The following XPO7 variants were observed in gnomAD, a reference collection of about 807,000 sequenced individuals.
XPO7 encodes exportin-7.
Under a neutral mutation model 144.3 loss-of-function variants are expected in XPO7, and 21 were observed. The ratio of observed to expected loss-of-function variants is 0.15; its 90% CI spans 0.10 to 0.21. The LOEUF (loss-of-function observed/expected upper bound fraction) is 0.21, where lower values mean the gene tolerates loss of function less well. XPO7 is among the 10% of genes least tolerant of loss of function. The probability of loss-of-function intolerance (pLI) is 1.00; values close to 1 mark genes in which losing one functional copy is unlikely to be tolerated. For synonymous variants in XPO7, 580 were observed against 499.6 expected (o/e 1.16, Z -2.15); for missense variants, 808 against 1,325.8 (o/e 0.61, Z 6.06).
At chr8:21,929,088 A>C (rs1245357389) in intron 1 of XPO7, among the ~76,000 whole-genome samples, 6 of 152,240 alleles carry the variant, frequency 3.9e-5, no homozygotes, top group Non-Finnish European at 8.8e-5. Context: ...GAACTGCATC[A>C]AGTTCTTCAG....
rs1012497980 is a variant in XPO7 at position 21,994,382 on chromosome 8, T to G, written c.2168T>G (p.Val723Gly). ...QEAKRTLVGLVRDLRGIAFAF... is the reference protein window; with the variant it reads ...QEAKRTLVGLGRDLRGIAFAF... ...CTACAGCGAACTCTAGTTGGCCTAGTAAGAGACCTGAGAGGGATCGCTTTC... is the reference window on the plus strand; with the variant it reads ...CTACAGCGAACTCTAGTTGGCCTAGGAAGAGACCTGAGAGGGATCGCTTTC... Residue 723 changes from valine to glycine, a missense_variant, in exon 20 of 28, where the codon GTA (valine) becomes GGA (glycine). Val to Gly is a moderately radical substitution (Grantham distance 109). Coordinates refer to ENST00000252512, the MANE Select transcript of XPO7 (RefSeq NM_015024.5). 1 of 1,612,262 alleles carries G rather than the reference T, an allele frequency of 6.2e-7. No homozygotes were observed. The highest frequency in any genetic ancestry group is 1.3e-5 in the African/African-American group (1 of 74,892).
chr8:21,934,586 G>A (rs1443799146), intron 1 of XPO7, among the ~76,000 whole-genome samples: 1 of 152,238 alleles, frequency 6.6e-6, no homozygotes, highest in African/African-American at 2.4e-5. Context: ...TTATTTTGGG[G>A]TGACAGTATT....
chr8:21,941,132 G>A (rs940808957), intron 1 of XPO7, among the ~76,000 whole-genome samples: 1 of 112,280 alleles, frequency 8.9e-6, no homozygotes, highest in African/African-American at 4.1e-5. Flanking sequence ...CCTCCTATAT[G>A]CTTTTTTTTT....
intron 1 of XPO7, among the ~76,000 whole-genome samples, chr8:21,920,087 C>T (rs1001376899): frequency 2.0e-5 from 3 of 151,904 alleles, no homozygotes; most frequent in Non-Finnish European, 4.4e-5. Context: ...TCTTCGTCCC[C>T]GGGGGAGGCC....
chr8:21,989,277 T>C (rs1222361019), intron 16 of XPO7, among the ~76,000 whole-genome samples, 194 bp downstream of exon 16: 2 of 152,232 alleles, frequency 1.3e-5, no homozygotes, highest in Non-Finnish European at 2.9e-5. Flanking sequence ...AAAAATGAGC[T>C]GACACCCAAC....
chr8:21,925,090 T>C (rs906998797), intron 1 of XPO7, among the ~76,000 whole-genome samples: 4 of 152,242 alleles, frequency 2.6e-5, no homozygotes, highest in Non-Finnish European at 5.9e-5. Flanking sequence ...TACCCCGTTA[T>C]CTTTTCCCCC....
At chr8:21,956,968 G>C (rs1019943594) in intron 1 of XPO7, among the ~76,000 whole-genome samples, 46 of 152,150 alleles carry the variant, frequency 3.0e-4, no homozygotes, top group African/African-American at 1.0e-3. Context: ...AGATAATACA[G>C]AGTTGACTGG....
rs1812001349 is a variant in XPO7, at chr8:21,970,042, T to G, written c.260-102T>G. Reference sequence around the variant, plus strand: ...ACAGTTTGGGTTAAATAGTCTAAATTTATAATTTCTTGGCCATTTAGCATG... The same window carrying G: ...ACAGTTTGGGTTAAATAGTCTAAATGTATAATTTCTTGGCCATTTAGCATG... On this transcript the variant is annotated intron_variant, in intron 3 of 27. Coordinates refer to ENST00000252512, the MANE Select transcript of XPO7 (RefSeq NM_015024.5). The G allele has an allele frequency of 1.2e-5, 16 of 1,333,344 alleles. No homozygotes were observed. The South Asian group carries it at 2.4e-4, about 20-fold the overall frequency. The allele number at this position is 1,333,344 out of a possible 1,614,324, so 82.6% of individuals were successfully genotyped here. A position where few individuals can be genotyped will look rare whatever the true frequency, so the allele number is the denominator to read the frequency against.
chr8:21,933,188 C>T (rs1006408031), intron 1 of XPO7, among the ~76,000 whole-genome samples: 10 of 149,506 alleles, frequency 6.7e-5, no homozygotes, highest in African/African-American at 2.2e-4. Flanking sequence ...GCAACCTCCA[C>T]CTCCTGGGTT....
chr8:21,984,614 G>T, intron 11 of XPO7, 32 bp from the exon 12 acceptor site: 1 of 1,563,610 alleles, frequency 6.4e-7, no homozygotes, highest in East Asian at 2.3e-5. Flanking sequence ...CATATTTTAA[G>T]AGAGCTGCCT....
intron 1 of XPO7, among the ~76,000 whole-genome samples, chr8:21,922,588 CAA>C (rs1483918671): frequency 1.3e-5 from 2 of 151,854 alleles, no homozygotes; most frequent in East Asian, 3.9e-4. Context: ...TAAGTTATCG[CAA>C]AGAGATGAAG....
intron 1 of XPO7, among the ~76,000 whole-genome samples, chr8:21,926,661 C>A (rs1585412700): frequency 6.6e-6 from 1 of 151,868 alleles, no homozygotes; most frequent in Non-Finnish European, 1.5e-5. Flanking sequence ...TTTAACTTAA[C>A]TGTAAGAACT....
intron 1 of XPO7, among the ~76,000 whole-genome samples, chr8:21,948,980 T>C (rs1811279131): frequency 1.3e-5 from 2 of 152,222 alleles, no homozygotes; most frequent in Non-Finnish European, 2.9e-5. Flanking sequence ...CCAGGAAATA[T>C]GCCCCTCAGT....
intron 5 of XPO7, 145 bp downstream of exon 5, chr8:21,972,086 C>A: frequency 1.5e-6 from 1 of 671,784 alleles, no homozygotes; most frequent in East Asian, 2.7e-5. Flanking sequence ...AAAATAGTTC[C>A]ATTGGGTTTT....
intron 1 of XPO7, among the ~76,000 whole-genome samples, chr8:21,964,612 A>C (rs1407780382): frequency 1.4e-5 from 2 of 142,380 alleles, no homozygotes; most frequent in Non-Finnish European, 3.0e-5. Flanking sequence ...TCTTCTGGGA[A>C]CAAAAAAAAA....
At chr8:21,970,349 C>A in intron 4 of XPO7, 39 bp downstream of exon 4, 2 of 1,567,822 alleles carry the variant, frequency 1.3e-6, no homozygotes, top group South Asian at 1.2e-5. Context: ...AATGGGAGAA[C>A]CAGCATATAC....
At chr8:21,935,288 A>G (rs922055783) in intron 1 of XPO7, among the ~76,000 whole-genome samples, 4 of 152,238 alleles carry the variant, frequency 2.6e-5, no homozygotes, top group African/African-American at 7.2e-5. Flanking sequence ...AGTTTGCCAT[A>G]TTGCTGGAAC....
At chr8:21,954,269 A>C (rs1040354658) in intron 1 of XPO7, among the ~76,000 whole-genome samples, 1 of 152,206 alleles carries the variant, frequency 6.6e-6, no homozygotes, top group Non-Finnish European at 1.5e-5. Context: ...TTTTAATAGG[A>C]TTCTGTACAA....
intron 9 of XPO7, among the ~76,000 whole-genome samples, chr8:21,980,683 G>A (rs1027548159): frequency 3.3e-5 from 5 of 151,770 alleles, no homozygotes; most frequent in Non-Finnish European, 7.4e-5. Context: ...GCTGAGGCAG[G>A]AGAATCGCTT....
Sources: gnomAD v4.1 joint callset for allele counts (sites outside exome capture counted in the v4.1 genomes callset) on GRCh38, gnomAD v4.1.1 for gene constraint, MANE v1.5 for transcripts, NCBI Gene and HGNC (gene_info 2026-07-23, HGNC 2026-07-21) for gene names.